TMEM132D: variants seen among roughly 807,000 people sequenced by gnomAD.
The protein encoded by TMEM132D is transmembrane protein 132D.
A neutral mutation model predicts 62.3 loss-of-function variants in TMEM132D; 21 were observed. The ratio of observed to expected loss-of-function variants is 0.34; its 90% CI spans 0.24 to 0.49. The LOEUF (loss-of-function observed/expected upper bound fraction) is 0.49, where lower values mean the gene tolerates loss of function less well. Among genes scored for constraint, TMEM132D ranks in the 20% least tolerant of loss-of-function variants. The pLI is 0.99. For synonymous variants in TMEM132D, 621 were observed against 575.6 expected (o/e 1.08, Z -1.13); for missense variants, 1,346 against 1,402.8 (o/e 0.96, Z 0.65).
intron 4 of TMEM132D, among the ~76,000 whole-genome samples, chr12:129,213,897 G>C (rs962019112): frequency 6.6e-6 from 1 of 152,192 alleles, no homozygotes; most frequent in Non-Finnish European, 1.5e-5. Context: ...GTGTGTAAAT[G>C]TGTATGTATC....
intron 2 of TMEM132D, among the ~76,000 whole-genome samples, chr12:129,609,736 C>T (rs910406799): frequency 2.6e-5 from 4 of 152,176 alleles, no homozygotes; most frequent in Admixed American, 6.5e-5. Flanking sequence ...GTCAGATGCC[C>T]GCCTTTCTGA....
In TMEM132D at chr12:129,850,297, C is replaced by T. The variant is rs547791765; in HGVS notation, c.79+52964G>A. 1.0e-3 allele frequency among the ~76,000 whole-genome samples: 157 copies of T among 152,280 alleles called. 2 individuals are homozygous for T. The highest frequency in any genetic ancestry group is 3.6e-3 in the African/African-American group (151 of 41,564). On this transcript the variant is annotated intron_variant, in intron 1 of 8. Transcript: ENST00000422113. ...TTCCCAGTTCTGGGTGGAGAACACTCCACAGGGCCCCCAAGTCATAATTCA... is the reference window on the plus strand; with the variant it reads ...TTCCCAGTTCTGGGTGGAGAACACTTCACAGGGCCCCCAAGTCATAATTCA...
At chr12:129,296,833 G>A (rs10773632) in intron 4 of TMEM132D, among the ~76,000 whole-genome samples, 85,498 of 152,054 alleles carry the variant, frequency 0.56, 24,910 homozygotes, top group East Asian at 0.94. Flanking sequence ...GGAGGCTGGT[G>A]TGAGTATACA....
chr12:129,240,806 G>A (rs975841464), intron 4 of TMEM132D, among the ~76,000 whole-genome samples: 1 of 152,046 alleles, frequency 6.6e-6, no homozygotes, highest in South Asian at 2.1e-4. Flanking sequence ...AACTTGGTCC[G>A]CTTCAGGTTT....
At chr12:129,834,359 A>T (rs900350985) in intron 1 of TMEM132D, among the ~76,000 whole-genome samples, 2 of 152,146 alleles carry the variant, frequency 1.3e-5, no homozygotes, top group African/African-American at 4.8e-5. Flanking sequence ...GGCCAGCATC[A>T]AGATAATGGC....
chr12:129,380,459 T>A (rs1049211911), intron 3 of TMEM132D, among the ~76,000 whole-genome samples: 1 of 152,184 alleles, frequency 6.6e-6, no homozygotes, highest in African/African-American at 2.4e-5. Context: ...CTTCTCTCAA[T>A]TGTAACATCT....
chr12:129,250,162 T>A (rs1880227179), intron 4 of TMEM132D, among the ~76,000 whole-genome samples: 1 of 152,000 alleles, frequency 6.6e-6, no homozygotes, highest in Non-Finnish European at 1.5e-5. Context: ...GGGTAGCAAA[T>A]ACCCCAATTA....
chr12:129,074,766 G>T lies in TMEM132D; in HGVS notation c.2409C>A (p.Asn803Lys), dbSNP rs769917403. ...IKVKFGQNDA[N>K]PNTSDSRHTG... The stretch of plus-strand genomic sequence containing the variant: ...TGTGTCTGCTGTCACTGGTGTTGGG[G>T]TTAGCATCGTTTTGGCCAAATTTAA... The change falls in exon 9 of 9, where the codon AAC (asparagine) becomes AAA (lysine). Residue 803 changes from asparagine (N) to lysine (K), a missense_variant. Physicochemically the swap from Asn to Lys is moderately conservative, Grantham distance 94. Coordinates refer to ENST00000422113, the MANE Select transcript of TMEM132D (RefSeq NM_133448.3). 2 of 1,614,076 alleles carry T rather than the reference G, an allele frequency of 1.2e-6. No individual in the cohort carries two copies. The highest frequency in any genetic ancestry group is 2.2e-5 in the East Asian group (1 of 44,876).
At position 129,635,226 on chromosome 12, in the gene TMEM132D, T is replaced by C. The variant is rs115604410; in HGVS notation, c.968+64584A>G. On this transcript the variant is annotated intron_variant, in intron 2 of 8. Transcript: ENST00000422113. Reference sequence around the variant, plus strand: ...TGAAAATGTTTTTGACCTGAGGTCTTTAGTAGTCATGGAAACAGCAAACTC... The same window carrying C: ...TGAAAATGTTTTTGACCTGAGGTCTCTAGTAGTCATGGAAACAGCAAACTC... Among the ~76,000 whole-genome samples, 354 of 152,336 alleles carry C rather than the reference T, an allele frequency of 2.3e-3. 3 individuals carry two copies. The highest frequency in any genetic ancestry group is 8.0e-3 in the African/African-American group (333 of 41,572).
chr12:129,708,391 G>T lies in TMEM132D; in HGVS notation c.80-7693C>A, dbSNP rs575713956. 2.0e-5 allele frequency among the ~76,000 whole-genome samples: 3 copies of T among 152,038 alleles called. No individual in the cohort carries two copies. The East Asian group carries it at 5.8e-4, about 29-fold the overall frequency. On this transcript the variant is annotated intron_variant, in intron 1 of 8. Transcript: ENST00000422113. ...CTTCACCAGCTAAATACAAAGCCTG[G>T]AAATTAAAGTGGAAACCACACACCC...
At chr12:129,839,116 A>ATTTTTTTTTTTT (rs1224483461) in intron 1 of TMEM132D, among the ~76,000 whole-genome samples, 1 of 6,450 alleles carries the variant, frequency 1.6e-4, no homozygotes. Flanking sequence ...ACGCCTGGCT[A>ATTTTTTTTTTTT]ATTTTTTTTT....
chr12:129,258,645 A>G (rs1880472374), intron 4 of TMEM132D, among the ~76,000 whole-genome samples: 1 of 152,160 alleles, frequency 6.6e-6, no homozygotes, highest in South Asian at 2.1e-4. Flanking sequence ...CAGTCACGTA[A>G]TATGTGTGGC....
intron 1 of TMEM132D, among the ~76,000 whole-genome samples, chr12:129,869,058 CTT>C: frequency 1.2e-5 from 1 of 85,630 alleles, no homozygotes; most frequent in South Asian, 5.1e-4. Flanking sequence ...TTTTATTTTG[CTT>C]TGTGTTTTTT....
At chr12:129,403,403 C>T (rs1009937765) in intron 3 of TMEM132D, among the ~76,000 whole-genome samples, 7 of 151,378 alleles carry the variant, frequency 4.6e-5, no homozygotes, top group Admixed American at 1.3e-4. Flanking sequence ...ACTAAACTTG[C>T]AACACAGATG....
intron 1 of TMEM132D, among the ~76,000 whole-genome samples, chr12:129,807,496 T>C (rs1301139942): frequency 6.6e-6 from 1 of 152,178 alleles, no homozygotes; most frequent in African/African-American, 2.4e-5. Context: ...AAAATAGAAA[T>C]AGGATGTTCC....
chr12:129,326,797 T>C (rs1868928148), intron 4 of TMEM132D, among the ~76,000 whole-genome samples: 1 of 152,218 alleles, frequency 6.6e-6, no homozygotes, highest in Admixed American at 6.5e-5. Context: ...ATAATTAACA[T>C]AATCTACCAA....
intron 4 of TMEM132D, among the ~76,000 whole-genome samples, chr12:129,320,408 A>T (rs1868652774): frequency 1.3e-5 from 2 of 152,232 alleles, no homozygotes; most frequent in Non-Finnish European, 2.9e-5. Flanking sequence ...AGAAAGAGAC[A>T]TTCTATGGGA....
chr12:129,601,208 C>A (rs1027069134), intron 2 of TMEM132D, among the ~76,000 whole-genome samples: 1 of 152,194 alleles, frequency 6.6e-6, no homozygotes, highest in Non-Finnish European at 1.5e-5. Context: ...TCTCATGAAA[C>A]AACCTCTGCT....
chr12:129,851,742 A>ATG (rs1190804896), intron 1 of TMEM132D, among the ~76,000 whole-genome samples: 1 of 152,168 alleles, frequency 6.6e-6, no homozygotes, highest in Non-Finnish European at 1.5e-5. Flanking sequence ...AACACTGTCT[A>ATG]TGTCAGGGGC....
Sources: gnomAD v4.1 joint callset for allele counts (sites outside exome capture counted in the v4.1 genomes callset) on GRCh38, gnomAD v4.1.1 for gene constraint, MANE v1.5 for transcripts, NCBI Gene and HGNC (gene_info 2026-07-23, HGNC 2026-07-21) for gene names.